Variants in JPH3 observed in about 807,000 individuals in gnomAD.
JPH3 encodes junctophilin 3.
JPH3 carries 11 observed loss-of-function variants against 59.6 expected under a neutral mutation model. That is an observed-to-expected ratio of 0.18 (90% CI 0.12 to 0.31). JPH3 has a LOEUF of 0.31. JPH3 is among the 10% of genes least tolerant of loss of function. JPH3 has a pLI of 1.00. For missense variants in JPH3, 1,202 were observed against 1,105.7 expected (o/e 1.09, Z -1.24); for synonymous variants, 673 against 483.6 (o/e 1.39, Z -5.14).
intron 1 of JPH3, among the ~76,000 whole-genome samples, chr16:87,640,654 A>C (rs62053785): frequency 0.11 from 16,834 of 152,060 alleles, 1,131 homozygotes; most frequent in Middle Eastern, 0.2. Context: ...CGGCCTCCCA[A>C]AGTGCTGGGA....
chr16:87,654,733 C>T (rs962033729), intron 2 of JPH3: 34 of 152,252 alleles, frequency 2.2e-4, no homozygotes, highest in Non-Finnish European at 4.4e-5. Context: ...GACGCAAACC[C>T]CACACGCTCG....
intron 1 of JPH3, among the ~76,000 whole-genome samples, chr16:87,628,282 G>T (rs1471048989): frequency 6.6e-6 from 1 of 152,236 alleles, no homozygotes; most frequent in African/African-American, 2.4e-5. Flanking sequence ...CCCTTCCACG[G>T]CCCAGGACAA....
Position 87,697,896 on chromosome 16 carries a change from CT to C in JPH3, c.*1237del, listed in dbSNP as rs2033963793. 6.6e-6 allele frequency: 1 copy of C among 152,482 alleles called. No homozygotes were observed. The highest frequency in any genetic ancestry group is 6.5e-5 in the Admixed American group (1 of 15,288). The allele number at this position is 152,482 out of a possible 1,614,324, so 9.4% of individuals were successfully genotyped here. ...GTTTGCCAGGATGTCCGAGTGCCCC[CT>C]GGCCCTGGCTCTCGTGTGCATGGAC... On this transcript the variant is annotated 3_prime_UTR_variant, in exon 5 of 5. Coordinates refer to ENST00000284262, the MANE Select transcript of JPH3 (RefSeq NM_020655.4).
chr16:87,622,479 C>T (rs1256928966), intron 1 of JPH3, among the ~76,000 whole-genome samples: 5 of 145,964 alleles, frequency 3.4e-5, no homozygotes, highest in South Asian at 4.3e-4. Flanking sequence ...TGCAGAGGGG[C>T]GTGCAGGCAG....
rs553460183 is a variant in JPH3 at position 87,672,729 on chromosome 16, C to A, written c.1161-11413C>A. On this transcript the variant is annotated intron_variant, in intron 2 of 4. Coordinates refer to ENST00000284262, the MANE Select transcript of JPH3 (RefSeq NM_020655.4). ...CACGTTTAGTTGATAAAAGTGGCAT[C>A]TATAAATGGGTGGTGGTGCGGAATG... Among the ~76,000 whole-genome samples, 10 of 152,336 alleles carry A rather than the reference C, an allele frequency of 6.6e-5. No homozygotes were observed. In the East Asian group the frequency reaches 1.5e-3, roughly 24 times the overall value.
intron 2 of JPH3, among the ~76,000 whole-genome samples, chr16:87,667,158 G>A (rs772794063): frequency 4.3e-4 from 65 of 152,296 alleles, no homozygotes; most frequent in African/African-American, 1.4e-3. Flanking sequence ...TGTCTCCCTC[G>A]TCACGTGGCC....
intron 2 of JPH3, among the ~76,000 whole-genome samples, chr16:87,658,600 CAG>C (rs1432078548): frequency 6.6e-6 from 1 of 152,192 alleles, no homozygotes; most frequent in Non-Finnish European, 1.5e-5. Context: ...ATTCCTGAAA[CAG>C]ACCCAGGGCA....
At chr16:87,628,818 C>T (rs1023420689) in intron 1 of JPH3, among the ~76,000 whole-genome samples, 13 of 151,972 alleles carry the variant, frequency 8.6e-5, no homozygotes, top group Non-Finnish European at 1.8e-4. Flanking sequence ...AAAGCAGAGT[C>T]GGTCCCCAGC....
intron 2 of JPH3, among the ~76,000 whole-genome samples, chr16:87,682,417 C>T (rs909090805): frequency 3.3e-5 from 5 of 152,018 alleles, no homozygotes; most frequent in Admixed American, 6.6e-5. Flanking sequence ...ACCACCAGGG[C>T]GATGGTGCTA....
intron 4 of JPH3, among the ~76,000 whole-genome samples, chr16:87,690,890 T>C (rs1319113238): frequency 6.6e-6 from 1 of 152,218 alleles, no homozygotes; most frequent in African/African-American, 2.4e-5. Flanking sequence ...AGATGACCGC[T>C]TGAGTGTCCT....
chr16:87,621,377 G>C lies in JPH3; in HGVS notation c.382+17849G>C, dbSNP rs573361684. Among the ~76,000 whole-genome samples, 188 of 152,296 alleles carry C rather than the reference G, an allele frequency of 1.2e-3. 1 individual carries two copies. The highest frequency in any genetic ancestry group is 4.1e-3 in the African/African-American group (170 of 41,556). ...TCGGGACAGGAACAGCCCAGACCTG[G>C]GATCCGCGGCTGCGCAAGGGGCTTC... On this transcript the variant is annotated intron_variant, in intron 1 of 4. Coordinates refer to ENST00000284262, the MANE Select transcript of JPH3 (RefSeq NM_020655.4).
rs553321507 is a variant in JPH3, at chr16:87,697,190, C to G, written c.*530C>G. ...CCCACCCCAGTGGGCAGTAGCCTGGCCTTTTTCTGTGTGAGATCTGTGCTG... is the reference window on the plus strand; with the variant it reads ...CCCACCCCAGTGGGCAGTAGCCTGGGCTTTTTCTGTGTGAGATCTGTGCTG... On this transcript the variant is annotated 3_prime_UTR_variant, in exon 5 of 5. Coordinates refer to ENST00000284262, the MANE Select transcript of JPH3 (RefSeq NM_020655.4). 1 of 172,544 alleles carries G rather than the reference C, an allele frequency of 5.8e-6. No individual in the cohort carries two copies. Among genetic ancestry groups the G allele is most frequent in the South Asian group, 1.4e-4 (1 of 6,946 alleles). The allele number at this position is 172,544 out of a possible 1,614,324, so 10.7% of individuals were successfully genotyped here. A position where few individuals can be genotyped will look rare whatever the true frequency, so the allele number is the denominator to read the frequency against.
intron 4 of JPH3, chr16:87,693,624 C>T (rs2033672657): frequency 6.6e-6 from 1 of 152,376 alleles, no homozygotes; most frequent in Admixed American, 6.5e-5. Context: ...CTGCTGTGAA[C>T]TGAGATCATG....
At chr16:87,660,511 T>G (rs562005826) in intron 2 of JPH3, among the ~76,000 whole-genome samples, 318 of 152,330 alleles carry the variant, frequency 2.1e-3, no homozygotes, top group Non-Finnish European at 3.7e-3. Flanking sequence ...CAGGCTGGAC[T>G]GGGCGCCACT....
intron 4 of JPH3, chr16:87,696,055 T>C (rs771124365): frequency 2.0e-5 from 9 of 455,330 alleles, no homozygotes; most frequent in South Asian, 1.2e-4. Context: ...TTGAGGAAGG[T>C]GTGGTGAGGG....
chr16:87,673,746 C>T (rs1265989237), intron 2 of JPH3, among the ~76,000 whole-genome samples: 5 of 151,666 alleles, frequency 3.3e-5, no homozygotes, highest in Admixed American at 3.3e-4. Flanking sequence ...ACCAACATGG[C>T]GAAACCCTGT....
At chr16:87,626,145 G>T (rs1014121586) in intron 1 of JPH3, among the ~76,000 whole-genome samples, 1 of 152,130 alleles carries the variant, frequency 6.6e-6, no homozygotes, top group Non-Finnish European at 1.5e-5. Context: ...ACAGCGGCCG[G>T]GGTCTCATGT....
chr16:87,605,508 A>G (rs951954980), intron 1 of JPH3, among the ~76,000 whole-genome samples: 1 of 152,164 alleles, frequency 6.6e-6, no homozygotes, highest in African/African-American at 2.4e-5. Flanking sequence ...AGGAGCGGCG[A>G]TTATGTTGTG....
rs144981314 is a variant in JPH3 at position 87,685,795 on chromosome 16, A to C, written c.1285+1529A>C. On this transcript the variant is annotated intron_variant, in intron 3 of 4. Transcript: ENST00000284262. ...CTGTTTTGTTTCCTCTCAGAGCCTC[A>C]GTTCCATGTGTGAAAGGAAGGGGAC... 4.8e-4 allele frequency among the ~76,000 whole-genome samples: 73 copies of C among 152,326 alleles called. 1 individual carries two copies. In the East Asian group the frequency reaches 0.014, roughly 28 times the overall value.
Sources: allele counts gnomAD v4.1 joint callset (sites outside exome capture counted in the v4.1 genomes callset), GRCh38; gene constraint gnomAD v4.1.1; transcripts MANE v1.5; gene names NCBI Gene and HGNC (gene_info 2026-07-23, HGNC 2026-07-21).